The following SKOR2 variants were observed in gnomAD, a reference collection of about 807,000 sequenced individuals.
SKOR2 encodes the protein LBX1 corepressor 1-like protein.
SKOR2 carries 47 observed loss-of-function variants against 69.1 expected under a neutral mutation model. The ratio of observed to expected loss-of-function variants is 0.68; its 90% CI spans 0.54 to 0.87. The LOEUF is 0.87. Among genes scored for constraint, SKOR2 ranks in the 40% least tolerant of loss-of-function variants. The pLI is 0.00. For synonymous variants in SKOR2, 717 were observed against 672.6 expected, an observed-to-expected ratio of 1.07 and a Z score of -1.02; for missense variants, 1,404 against 1,472.2, an observed-to-expected ratio of 0.95 and a Z score of 0.76.
intron 8 of SKOR2, among the ~76,000 whole-genome samples, chr18:47,211,775 C>T (rs1338703978): frequency 6.6e-6 from 1 of 152,104 alleles, no homozygotes; most frequent in East Asian, 1.9e-4. Context: ...CTTTGGTTTC[C>T]TTGGGGCAGT....
chr18:47,247,922 C>T lies in SKOR2; in HGVS notation c.1262G>A (p.Cys421Tyr). ...FPAAAAAFSL[C>Y]HKKEDAGAAA... is the part of the protein sequence containing the mutation. The stretch of plus-strand genomic sequence containing the variant: ...GGCACCCGCATCCTCTTTCTTATGG[C>T]ACAAGCTGAAGGCGGCGGCCGCGGC... Residue 421 changes from cysteine (C) to tyrosine (Y), a missense_variant, in exon 2 of 9, where the codon TGC becomes TAC. Physicochemically the swap from Cys to Tyr is radical, Grantham distance 194. Around this residue, in one of 3 missense-constraint regions of SKOR2, gnomAD observed 1,266 missense variants for 1,309.9 expected, o/e 0.97. Transcript: ENST00000425639. This position sits in a 1 kb window ranked among gnomAD's most constrained non-coding sequence, Gnocchi z 6.6. 2 of 1,372,038 alleles carry T rather than the reference C, an allele frequency of 1.5e-6. No individual in the cohort carries two copies. The highest frequency in any genetic ancestry group is 1.9e-6 in the Non-Finnish European group (2 of 1,069,362). 85.0% of individuals were successfully genotyped at this position (1,372,038 alleles called of 1,614,324 possible).
chr18:47,248,375 A>G lies in SKOR2; in HGVS notation c.809T>C (p.Val270Ala). 1 of 1,288,894 alleles carries G rather than the reference A, an allele frequency of 7.8e-7. No individual in the cohort carries two copies. The highest frequency in any genetic ancestry group is 9.7e-7 in the Non-Finnish European group (1 of 1,027,696). The allele number at this position is 1,288,894 out of a possible 1,614,324, so 79.8% of individuals were successfully genotyped here. A position where few individuals can be genotyped will look rare whatever the true frequency, so the allele number is the denominator to read the frequency against. The change falls in exon 2 of 9, where the codon GTG becomes GCG. Residue 270 changes from valine to alanine, a missense_variant. Physicochemically the swap from Val to Ala is moderately conservative, Grantham distance 64 (BLOSUM62 0). Around this residue, in one of 3 missense-constraint regions of SKOR2, gnomAD observed 1,266 missense variants for 1,309.9 expected, o/e 0.97. Coordinates refer to ENST00000425639, the MANE Select transcript of SKOR2 (RefSeq NM_001278063.4). This position sits in a 1 kb window ranked among gnomAD's most constrained non-coding sequence, Gnocchi z 6.4. ...KAAAVAAAAA[V>A]AGGGGLLGPH... ...GCCCAGCAGACCCCCGCCTCCGGCCACCGCGGCCGCGGCGGCCACGGCGGC... is the reference window on the plus strand; with the variant it reads ...GCCCAGCAGACCCCCGCCTCCGGCCGCCGCGGCCGCGGCGGCCACGGCGGC...
At chr18:47,232,661 G>A (rs549965521) in intron 4 of SKOR2, among the ~76,000 whole-genome samples, 4 of 152,248 alleles carry the variant, frequency 2.6e-5, no homozygotes, top group East Asian at 3.9e-4. Context: ...GTTACTTGGC[G>A]GCAGAGGTTA....
Position 47,247,094 on chromosome 18 carries a change from G to A in SKOR2, c.2090C>T (p.Pro697Leu), listed in dbSNP as rs750657311. The A allele has an allele frequency of 5.2e-6, 7 of 1,351,258 alleles. No homozygotes were observed. In the South Asian group the frequency reaches 1.4e-4, roughly 26 times the overall value. The allele number at this position is 1,351,258 out of a possible 1,614,324, so 83.7% of individuals were successfully genotyped here. A position where few individuals can be genotyped will look rare whatever the true frequency, so the allele number is the denominator to read the frequency against. Reference protein sequence around the residue: ...GSERHHPAPPPPPPPPPPPPL... With the variant: ...GSERHHPAPPLPPPPPPPPPL... ...GGGCGGCGGGGGCGGCGGCGGCGGCGGCGGCGGGGCCGGGTGGTGGCGCTC... is the reference window on the plus strand; with the variant it reads ...GGGCGGCGGGGGCGGCGGCGGCGGCAGCGGCGGGGCCGGGTGGTGGCGCTC... The change falls in exon 2 of 9, where the codon CCG becomes CTG. Residue 697 changes from proline to leucine, a missense_variant. Coordinates refer to ENST00000425639, the MANE Select transcript of SKOR2 (RefSeq NM_001278063.4). This position sits in a 1 kb window ranked among gnomAD's most constrained non-coding sequence, Gnocchi z 6.6.
In SKOR2 at chr18:47,222,576, G is replaced by T. The variant is rs563636471; in HGVS notation, c.2918-2566C>A. Among the ~76,000 whole-genome samples, 28 of 152,346 alleles carry T rather than the reference G, an allele frequency of 1.8e-4. No homozygotes were observed. In the Middle Eastern group the frequency reaches 0.01, roughly 56 times the overall value. On this transcript the variant is annotated intron_variant, in intron 6 of 8. Transcript: ENST00000425639. ...CCCTGGTTCCAACACTTGGTCCTGC[G>T]CTGTGGCCCGCAGGCCTCCAGGAAG...
rs1441435468 is a variant in SKOR2 at position 47,244,972 on chromosome 18, C to T, written c.2688G>A (p.Lys896=). 9.8e-6 allele frequency: 15 copies of T among 1,535,182 alleles called. No homozygotes were observed. The South Asian group carries it at 1.7e-4, about 17-fold the overall frequency. The change falls in exon 4 of 9, where the codon AAG becomes AAA. Residue 896 remains lysine (K), a synonymous_variant. Coordinates refer to ENST00000425639, the MANE Select transcript of SKOR2 (RefSeq NM_001278063.4). ...AGTCTGTGATGAAAAAGCTATGCTC[C>T]TTGTTCTTATCTAGAACCAAAACAA... is the stretch of plus-strand genomic sequence containing the variant. ...KDDNSFSDKN[K]EHSFFITDSD... is the part of the protein sequence containing the mutation.
chr18:47,250,805 G>A (rs982705313), intron 1 of SKOR2, among the ~76,000 whole-genome samples: 5 of 152,170 alleles, frequency 3.3e-5, no homozygotes, highest in Non-Finnish European at 5.9e-5. Context: ...GGGACAGGGC[G>A]TTACATGGCA....
chr18:47,217,031 T>C (rs553123328), intron 7 of SKOR2, among the ~76,000 whole-genome samples: 1 of 152,320 alleles, frequency 6.6e-6, no homozygotes, highest in South Asian at 2.1e-4. Flanking sequence ...CTTTGACAGA[T>C]ACATCAGGCT....
In SKOR2 at chr18:47,247,701, G is replaced by A; in HGVS notation, c.1483C>T (p.Leu495=). ...LQPPPQPPSA[L]GCALGESPAL... Reference sequence around the variant, plus strand: ...GGGCTTTCGCCTAGCGCGCAGCCTAGCGCCGAGGGCGGCTGAGGCGGGGGC... The same window carrying A: ...GGGCTTTCGCCTAGCGCGCAGCCTAACGCCGAGGGCGGCTGAGGCGGGGGC... Residue 495 remains leucine (L), a synonymous_variant, in exon 2 of 9, where the codon CTA becomes TTA. Coordinates refer to ENST00000425639, the MANE Select transcript of SKOR2 (RefSeq NM_001278063.4). This position sits in a 1 kb window ranked among gnomAD's most constrained non-coding sequence, Gnocchi z 6.6. The A allele has an allele frequency of 7.3e-7, 1 of 1,364,356 alleles. No individual in the cohort carries two copies. Among genetic ancestry groups the A allele is most frequent in the Non-Finnish European group, 9.4e-7 (1 of 1,067,974 alleles). The allele number at this position is 1,364,356 out of a possible 1,614,324, so 84.5% of individuals were successfully genotyped here.
chr18:47,236,545 C>T (rs2064224456), intron 4 of SKOR2, among the ~76,000 whole-genome samples: 1 of 152,088 alleles, frequency 6.6e-6, no homozygotes, highest in Non-Finnish European at 1.5e-5. Context: ...GGTGATTAGG[C>T]CAGGAGGGCA....
chr18:47,214,490 A>G (rs1048885919), intron 7 of SKOR2, among the ~76,000 whole-genome samples: 2 of 152,206 alleles, frequency 1.3e-5, no homozygotes, highest in African/African-American at 4.8e-5. Context: ...AAAGATAAAA[A>G]GCAAAAAGTA....
intron 2 of SKOR2, 24 bp from the exon 3 acceptor site, chr18:47,245,585 A>G (rs543172639): frequency 6.7e-7 from 1 of 1,494,656 alleles, no homozygotes; most frequent in East Asian, 2.5e-5. Context: ...AATTAGACAT[A>G]CAAATCAATG....
intron 2 of SKOR2, 93 bp downstream of exon 2, chr18:47,246,478 A>T: frequency 1.5e-6 from 2 of 1,333,488 alleles, no homozygotes; most frequent in Non-Finnish European, 1.9e-6. Context: ...AAATCTGGTG[A>T]TTCATCTTTC....
chr18:47,247,475 C>T lies in SKOR2; in HGVS notation c.1709G>A (p.Ser570Asn). The change falls in exon 2 of 9, where the codon AGC becomes AAC. Residue 570 changes from serine (S) to asparagine (N), a missense_variant. Around this residue, in one of 3 missense-constraint regions of SKOR2, gnomAD observed 1,266 missense variants for 1,309.9 expected, o/e 0.97. Coordinates refer to ENST00000425639, the MANE Select transcript of SKOR2 (RefSeq NM_001278063.4). This position sits in a 1 kb window ranked among gnomAD's most constrained non-coding sequence, Gnocchi z 6.6. The part of the protein sequence containing the change: ...SPPGGSGGDC[S>N]AGSTPPADSV... ...GTCCGCGGGCGGCGTGGAGCCCGCG[C>T]TGCAGTCCCCGCCGCTGCCGCCCGG... is the stretch of plus-strand genomic sequence containing the variant. The T allele has an allele frequency of 8.2e-7, 1 of 1,217,224 alleles. No homozygotes were observed. The highest frequency in any genetic ancestry group is 1.0e-6 in the Non-Finnish European group (1 of 979,592). The allele number at this position is 1,217,224 out of a possible 1,614,324, so 75.4% of individuals were successfully genotyped here. A position where few individuals can be genotyped will look rare whatever the true frequency, so the allele number is the denominator to read the frequency against.
chr18:47,234,860 CAG>C (rs2064214956), intron 4 of SKOR2, among the ~76,000 whole-genome samples: 1 of 36,142 alleles, frequency 2.8e-5, no homozygotes, highest in South Asian at 9.7e-4. Context: ...AACTCCATCT[CAG>C]GGAAAAAAAA....
In SKOR2 at chr18:47,247,011, A is replaced by T. The variant is rs9956387; in HGVS notation, c.2173T>A (p.Cys725Ser). Residue 725 changes from cysteine (C) to serine (S), a missense_variant, in exon 2 of 9, where the codon TGC becomes AGC. Physicochemically the swap from Cys to Ser is moderately radical, Grantham distance 112. Around this residue, in one of 3 missense-constraint regions of SKOR2, gnomAD observed 1,266 missense variants for 1,309.9 expected, o/e 0.97. Transcript: ENST00000425639. The surrounding 1 kb of genome is among the most constrained non-coding windows in gnomAD (Gnocchi z 6.6). ...GLLSPGGTSC[C>S]YPSEDSSEDE... Reference sequence around the variant, plus strand: ...TCGGAGCTGTCCTCGCTGGGGTAGCAGCAGCTGGTTCCCCCGGGAGACAGA... The same window carrying T: ...TCGGAGCTGTCCTCGCTGGGGTAGCTGCAGCTGGTTCCCCCGGGAGACAGA... 733,247 of 1,486,878 alleles carry T rather than the reference A, an allele frequency of 0.49. 182,692 individuals carry two copies. Among genetic ancestry groups the T allele is most frequent in the Middle Eastern group, 0.51 (2,999 of 5,846 alleles). 92.1% of individuals were successfully genotyped at this position (1,486,878 alleles called of 1,614,324 possible).
At chr18:47,221,404 A>G (rs1450996375) in intron 6 of SKOR2, among the ~76,000 whole-genome samples, 2 of 152,222 alleles carry the variant, frequency 1.3e-5, no homozygotes, top group East Asian at 3.8e-4. Flanking sequence ...AGCATTCTAC[A>G]TAAAGACATG....
At chr18:47,223,174 TAA>T (rs917170997) in intron 6 of SKOR2, among the ~76,000 whole-genome samples, 25 of 152,092 alleles carry the variant, frequency 1.6e-4, no homozygotes, top group South Asian at 8.3e-4. Context: ...CATTTTAGTA[TAA>T]GAGGGTTTAT....
intron 7 of SKOR2, among the ~76,000 whole-genome samples, chr18:47,215,204 T>G (rs1376135102): frequency 6.6e-6 from 1 of 152,158 alleles, no homozygotes; most frequent in Non-Finnish European, 1.5e-5. Flanking sequence ...CTAGAGAATT[T>G]TAAGGCAGCC....
Sources: allele counts gnomAD v4.1 joint callset (sites outside exome capture counted in the v4.1 genomes callset), GRCh38; gene constraint gnomAD v4.1.1; regional missense constraint gnomAD v4.1.1; non-coding constraint Gnocchi (gnomAD v3.1); transcripts MANE v1.5; gene names NCBI Gene and HGNC (gene_info 2026-07-23, HGNC 2026-07-21).